STXBP6: variants seen among roughly 807,000 people sequenced by gnomAD.
STXBP6 encodes syntaxin-binding protein 6.
A neutral mutation model predicts 26.9 loss-of-function variants in STXBP6; 21 were observed. That is an observed-to-expected ratio of 0.78 (90% CI 0.55 to 1.12). The LOEUF is 1.12. Ranked by LOEUF, STXBP6 falls within the 50% of genes most tolerant of loss-of-function variation. The pLI is 0.00. For missense variants in STXBP6, 232 were observed against 257.9 expected, an observed-to-expected ratio of 0.90 and a Z score of 0.69; for synonymous variants, 97 against 92.6, an observed-to-expected ratio of 1.05 and a Z score of -0.27.
intron 2 of STXBP6, among the ~76,000 whole-genome samples, chr14:24,931,117 C>CAA (rs749625860): frequency 0.038 from 864 of 22,716 alleles, 62 homozygotes; most frequent in African/African-American, 0.1. Flanking sequence ...GACTCCGTCT[C>CAA]AAAAAAAAAA....
intron 1 of STXBP6, among the ~76,000 whole-genome samples, chr14:24,978,017 A>G (rs1450887555): frequency 6.6e-6 from 1 of 152,238 alleles, no homozygotes; most frequent in Non-Finnish European, 1.5e-5. Flanking sequence ...CACTAACAGG[A>G]CAGTGTGGAG....
intron 2 of STXBP6, among the ~76,000 whole-genome samples, chr14:24,921,930 T>C (rs1467043385): frequency 1.3e-5 from 2 of 152,036 alleles, no homozygotes; most frequent in East Asian, 3.9e-4. Flanking sequence ...GCTGCCCCTT[T>C]CACCACTGCC....
chr14:25,003,751 T>C (rs947325400), intron 1 of STXBP6, among the ~76,000 whole-genome samples: 1 of 151,976 alleles, frequency 6.6e-6, no homozygotes, highest in African/African-American at 2.4e-5. Flanking sequence ...TTAAATCTCA[T>C]GCTGGATGAC....
chr14:24,813,086 G>A (rs1401888070), intron 5 of STXBP6, among the ~76,000 whole-genome samples: 1 of 152,112 alleles, frequency 6.6e-6, no homozygotes, highest in Non-Finnish European at 1.5e-5. Context: ...GGGGTTCCCA[G>A]CTATTCAGGA....
chr14:24,835,806 A>G (rs944689180), intron 4 of STXBP6, among the ~76,000 whole-genome samples: 2 of 152,208 alleles, frequency 1.3e-5, no homozygotes, highest in East Asian at 1.9e-4. Context: ...CTTAATAACG[A>G]TATCCATAGT....
intron 2 of STXBP6, among the ~76,000 whole-genome samples, chr14:24,894,019 T>C (rs1375542099): frequency 1.3e-5 from 2 of 152,316 alleles, no homozygotes; most frequent in South Asian, 2.1e-4. Context: ...AAAAAACATG[T>C]GTTATACAGG....
intron 2 of STXBP6, among the ~76,000 whole-genome samples, chr14:24,890,390 T>A (rs1446433092): frequency 6.6e-6 from 1 of 152,148 alleles, no homozygotes; most frequent in Non-Finnish European, 1.5e-5. Flanking sequence ...ATCCTCAACA[T>A]CTGAATAACA....
chr14:24,917,310 C>T (rs2071802937), intron 2 of STXBP6, among the ~76,000 whole-genome samples: 1 of 152,046 alleles, frequency 6.6e-6, no homozygotes, highest in African/African-American at 2.4e-5. Flanking sequence ...ACTACATTTT[C>T]ACACTTTTTG....
intron 1 of STXBP6, among the ~76,000 whole-genome samples, chr14:25,002,721 T>G (rs1477189823): frequency 2.0e-5 from 3 of 151,880 alleles, no homozygotes; most frequent in Admixed American, 2.0e-4. Flanking sequence ...GCAAATTTGG[T>G]CAAAGTTAAG....
At chr14:25,000,657 T>C (rs1276968134) in intron 1 of STXBP6, among the ~76,000 whole-genome samples, 1 of 149,674 alleles carries the variant, frequency 6.7e-6, no homozygotes, top group Non-Finnish European at 1.5e-5. Flanking sequence ...TGTGTAAAAC[T>C]GACCATAAAG....
At chr14:24,976,381 G>A (rs1406916010) in intron 1 of STXBP6, among the ~76,000 whole-genome samples, 2 of 152,144 alleles carry the variant, frequency 1.3e-5, no homozygotes, top group African/African-American at 4.8e-5. Flanking sequence ...AATAGGGCAG[G>A]TTTTCTTAGT....
chr14:24,819,169 A>G lies in STXBP6; in HGVS notation c.477T>C (p.Ala159=). 4 of 1,614,174 alleles carry G rather than the reference A, an allele frequency of 2.5e-6. No individual in the cohort carries two copies. In the South Asian group the frequency reaches 3.3e-5, roughly 13 times the overall value. The change falls in exon 5 of 6, where the codon GCT becomes GCC. Residue 159 remains alanine, a synonymous_variant. Transcript: ENST00000323944. ...TCTGCACTGCGCTGGTCACGCTGTC[A>G]GCAGCTGAATGGAGGATGCTGTTTC... ...MGGNSILHSA[A]DSVTSAVQKA...
intron 2 of STXBP6, among the ~76,000 whole-genome samples, chr14:24,885,234 C>T (rs1241636): frequency 0.54 from 81,892 of 152,074 alleles, 23,072 homozygotes; most frequent in African/African-American, 0.7. Flanking sequence ...AAAAACCACA[C>T]CTGATACGTT....
chr14:24,859,518 A>G (rs2069456781), intron 2 of STXBP6, among the ~76,000 whole-genome samples: 1 of 152,116 alleles, frequency 6.6e-6, no homozygotes, highest in Non-Finnish European at 1.5e-5. Flanking sequence ...ACTTGAGGAA[A>G]GCATGCTTTA....
chr14:24,856,137 C>T, intron 3 of STXBP6, 36 bp from the exon 4 acceptor site: 1 of 1,533,586 alleles, frequency 6.5e-7, no homozygotes, highest in South Asian at 1.3e-5. Flanking sequence ...TAATCTCAAT[C>T]TATAAAAACT....
intron 1 of STXBP6, among the ~76,000 whole-genome samples, chr14:25,008,944 T>C (rs866558684): frequency 6.6e-6 from 1 of 152,150 alleles, no homozygotes; most frequent in Non-Finnish European, 1.5e-5. Context: ...AGGTTTAAGT[T>C]TTTTAGCAAA....
intron 2 of STXBP6, among the ~76,000 whole-genome samples, chr14:24,899,342 A>G (rs1363916973): frequency 6.6e-6 from 1 of 152,222 alleles, no homozygotes; most frequent in Non-Finnish European, 1.5e-5. Context: ...CACAGACATT[A>G]CAGAGACATG....
intron 2 of STXBP6, among the ~76,000 whole-genome samples, chr14:24,944,758 T>C (rs1450523619): frequency 6.6e-6 from 1 of 152,134 alleles, no homozygotes; most frequent in Non-Finnish European, 1.5e-5. Context: ...GACCATCTTC[T>C]TCACCTGTTT....
In STXBP6 at chr14:24,956,003, G is replaced by A. The variant is rs114881604; in HGVS notation, c.154+18662C>T. Among the ~76,000 whole-genome samples, 1,139 of 152,230 alleles carry A rather than the reference G, an allele frequency of 7.5e-3. 19 individuals carry two copies. The highest frequency in any genetic ancestry group is 0.026 in the African/African-American group (1,090 of 41,528). On this transcript the variant is annotated intron_variant, in intron 2 of 5. Coordinates refer to ENST00000323944, the MANE Select transcript of STXBP6 (RefSeq NM_001394410.1). Reference sequence around the variant, plus strand: ...GTAAGACTCAAACTGAAGTCTGTTGGATTTTGAAACCCACACCCTTTTCTC... The same window carrying A: ...GTAAGACTCAAACTGAAGTCTGTTGAATTTTGAAACCCACACCCTTTTCTC...
Sources: allele counts gnomAD v4.1 joint callset (sites outside exome capture counted in the v4.1 genomes callset), GRCh38; gene constraint gnomAD v4.1.1; transcripts MANE v1.5; gene names NCBI Gene and HGNC (gene_info 2026-07-23, HGNC 2026-07-21).